NHS: variants seen among roughly 807,000 people sequenced by gnomAD.
NHS encodes the protein NHS actin remodeling regulator, also known as actin remodeling regulator NHS.
Under a neutral mutation model 72.5 loss-of-function variants are expected in NHS, and 5 were observed. The observed-to-expected ratio is 0.07, with a 90% CI of 0.04 to 0.14. The LOEUF (loss-of-function observed/expected upper bound fraction) is 0.14. Among genes scored for constraint, NHS ranks in the 10% least tolerant of loss-of-function variants. The pLI, the probability that NHS is intolerant of heterozygous loss-of-function variation, is 1.00. For synonymous variants in NHS, 464 were observed against 547.7 expected (o/e 0.85, Z 2.13); for missense variants, 1,072 against 1,355.7 (o/e 0.79, Z 3.29).
intron 3 of NHS, among the ~76,000 whole-genome samples, chrX:17,706,269 T>C (rs1456025767): frequency 2.7e-5 from 3 of 111,378 alleles, no homozygotes; most frequent in Non-Finnish European, 5.7e-5. Context: ...CAATCCTGGA[T>C]TGGATCCTGG....
chrX:17,515,047 G>T (rs1242574837), intron 1 of NHS, among the ~76,000 whole-genome samples: 1 of 111,592 alleles, frequency 9.0e-6, no homozygotes, highest in African/African-American at 3.3e-5. Context: ...TAGAGATGAG[G>T]GGCCCTTGCA....
chrX:17,458,783 G>A (rs921808878), intron 1 of NHS, among the ~76,000 whole-genome samples: 1 of 112,274 alleles, frequency 8.9e-6, no homozygotes, highest in African/African-American at 3.2e-5. Context: ...GTGAGCCACC[G>A]CACCTGGCCT....
intron 1 of NHS, among the ~76,000 whole-genome samples, chrX:17,480,673 A>G (rs932842751): frequency 1.8e-5 from 2 of 111,858 alleles, no homozygotes; most frequent in African/African-American, 6.5e-5. Flanking sequence ...TAAAACCATG[A>G]CGTTTTAATT....
At chrX:17,600,225 G>A (rs1047416563) in intron 1 of NHS, among the ~76,000 whole-genome samples, 3 of 110,709 alleles carry the variant, frequency 2.7e-5, no homozygotes, top group Non-Finnish European at 3.8e-5. Context: ...AAAAGTTTGC[G>A]CTGGAAAAGT....
chrX:17,408,946 C>T (rs1011665841), intron 1 of NHS, among the ~76,000 whole-genome samples: 3 of 103,147 alleles, frequency 2.9e-5, no homozygotes, highest in Non-Finnish European at 5.8e-5. Context: ...GAGAAACCGA[C>T]GGAGAGAGGA....
At chrX:17,689,564 A>G (rs1329006650) in intron 2 of NHS, among the ~76,000 whole-genome samples, 4 of 112,062 alleles carry the variant, frequency 3.6e-5, no homozygotes, top group Non-Finnish European at 5.6e-5. Context: ...CTGTTTTACC[A>G]ACCAACCACT....
At chrX:17,569,260 G>A (rs776720915) in intron 1 of NHS, among the ~76,000 whole-genome samples, 55 of 111,593 alleles carry the variant, frequency 4.9e-4, no homozygotes, top group Middle Eastern at 4.6e-3. Context: ...CACAATGGTT[G>A]AACTAATTTA....
At chrX:17,455,362 C>G (rs1447061795) in intron 1 of NHS, among the ~76,000 whole-genome samples, 1 of 112,045 alleles carries the variant, frequency 8.9e-6, no homozygotes, top group Non-Finnish European at 1.9e-5. Context: ...TCACCACCAC[C>G]ATTTACTATC....
At chrX:17,663,607 C>A (rs1295806840) in intron 1 of NHS, among the ~76,000 whole-genome samples, 1 of 112,123 alleles carries the variant, frequency 8.9e-6, no homozygotes, top group Non-Finnish European at 1.9e-5. Flanking sequence ...TAAGAATATA[C>A]CATACTTTAT....
intron 1 of NHS, among the ~76,000 whole-genome samples, chrX:17,571,666 T>C (rs1394045643): frequency 8.9e-6 from 1 of 112,175 alleles, no homozygotes; most frequent in Non-Finnish European, 1.9e-5. Flanking sequence ...CTCTATCTCC[T>C]TCAGTTCTGC....
rs758756146 is a variant in NHS at position 17,663,628 on chromosome X, AG to A, written c.566-24112del. 2.9e-4 allele frequency among the ~76,000 whole-genome samples: 33 copies of A among 112,467 alleles called. No homozygotes were observed. The East Asian group carries it at 9.1e-3, about 31-fold the overall frequency. On this transcript the variant is annotated intron_variant, in intron 1 of 8. Coordinates refer to ENST00000676302, the MANE Select transcript of NHS (RefSeq NM_001291867.2). ...TATACCATACTTTATTCATTGACTT[AG>A]GCTGTTTCCAGTTTGGGGATATTAT... is the stretch of plus-strand genomic sequence containing the variant.
Position 17,463,328 on chromosome X carries a change from G to C in NHS, c.565+87006G>C, listed in dbSNP as rs181858662. Among the ~76,000 whole-genome samples, 28 of 110,606 alleles carry C rather than the reference G, an allele frequency of 2.5e-4. No homozygotes were observed. In the South Asian group the frequency reaches 5.8e-3, roughly 23 times the overall value. The stretch of plus-strand genomic sequence containing the variant: ...ACCATAGCTCCTGGGGATTTGCTGG[G>C]GGGGAGGGCAGGTCATTGTCTTGCT... On this transcript the variant is annotated intron_variant, in intron 1 of 8. Coordinates refer to ENST00000676302, the MANE Select transcript of NHS (RefSeq NM_001291867.2).
At chrX:17,599,309 C>T (rs1213076455) in intron 1 of NHS, among the ~76,000 whole-genome samples, 1 of 111,720 alleles carries the variant, frequency 9.0e-6, no homozygotes, top group Non-Finnish European at 1.9e-5. Context: ...AAGCAGTTTT[C>T]CAGAGTGGGG....
intron 1 of NHS, among the ~76,000 whole-genome samples, chrX:17,494,268 G>A (rs756095295): frequency 6.5e-5 from 7 of 108,399 alleles, no homozygotes; most frequent in African/African-American, 1.3e-4. Flanking sequence ...TGGTAGAGAC[G>A]GTGTTTTACC....
chrX:17,553,684 G>A (rs181074561), intron 1 of NHS, among the ~76,000 whole-genome samples: 2 of 111,357 alleles, frequency 1.8e-5, no homozygotes, highest in East Asian at 5.7e-4. Flanking sequence ...AGACCTTCCC[G>A]TTCTGCCTCC....
intron 1 of NHS, among the ~76,000 whole-genome samples, chrX:17,592,107 A>G (rs1304448180): frequency 9.0e-6 from 1 of 111,530 alleles, no homozygotes; most frequent in Non-Finnish European, 1.9e-5. Context: ...ATACCTGTCT[A>G]TCTCTGTCAT....
intron 1 of NHS, among the ~76,000 whole-genome samples, chrX:17,419,825 T>G (rs2064614610): frequency 1.8e-5 from 2 of 111,877 alleles, no homozygotes; most frequent in Admixed American, 9.5e-5. Flanking sequence ...TTCTAGAAAG[T>G]CATAATTTTG....
chrX:17,633,012 C>A (rs1423163080), intron 1 of NHS, among the ~76,000 whole-genome samples: 1 of 111,517 alleles, frequency 9.0e-6, no homozygotes, highest in African/African-American at 3.3e-5. Flanking sequence ...GAGAGAACTT[C>A]CTGCTTACTT....
At chrX:17,445,055 C>T (rs181896257) in intron 1 of NHS, among the ~76,000 whole-genome samples, 13 of 111,618 alleles carry the variant, frequency 1.2e-4, no homozygotes, top group Admixed American at 1.9e-4. Context: ...CTTCCTGGTG[C>T]GTGTGCTGGG....
Sources: allele counts gnomAD v4.1 joint callset (sites outside exome capture counted in the v4.1 genomes callset), GRCh38; gene constraint gnomAD v4.1.1; transcripts MANE v1.5; gene names NCBI Gene and HGNC (gene_info 2026-07-23, HGNC 2026-07-21).